The following TRHDE variants were observed in gnomAD, a reference collection of about 807,000 sequenced individuals.
TRHDE encodes thyrotropin releasing hormone degrading enzyme.
TRHDE carries 72 observed loss-of-function variants against 125.7 expected under a neutral mutation model. The ratio of observed to expected loss-of-function variants is 0.57; its 90% CI spans 0.47 to 0.70. The LOEUF (loss-of-function observed/expected upper bound fraction) is 0.70. Among genes scored for constraint, TRHDE ranks in the 30% least tolerant of loss-of-function variants. The pLI is 0.00. For synonymous variants in TRHDE, 509 were observed against 509.1 expected, an observed-to-expected ratio of 1.00 and a Z score of 0.00; for missense variants, 1,110 against 1,327.1, an observed-to-expected ratio of 0.84 and a Z score of 2.54.
At chr12:72,588,984 A>T (rs1041850842) in intron 12 of TRHDE, among the ~76,000 whole-genome samples, 1 of 152,190 alleles carries the variant, frequency 6.6e-6, no homozygotes, top group African/African-American at 2.4e-5. Context: ...ACTCACTATC[A>T]CAAGAACAAC....
At chr12:72,321,530 A>ATT (rs897184870) in intron 2 of TRHDE, among the ~76,000 whole-genome samples, 1 of 152,114 alleles carries the variant, frequency 6.6e-6, no homozygotes, top group African/African-American at 2.4e-5. Flanking sequence ...TTCACCTTGC[A>ATT]TTTGATGCTA....
At chr12:72,257,046 T>C (rs181269596) in intron 2 of TRHDE, 25 of 152,340 alleles carry the variant, frequency 1.6e-4, no homozygotes, top group Non-Finnish European at 3.2e-4. Context: ...CCACAAATAG[T>C]GTTGCCAAGT....
intron 15 of TRHDE, among the ~76,000 whole-genome samples, chr12:72,651,992 A>C (rs1874525990): frequency 6.6e-6 from 1 of 151,942 alleles, no homozygotes; most frequent in African/African-American, 2.4e-5. Flanking sequence ...TCTTTGTGTA[A>C]TAGCCATATT....
At chr12:72,589,804 C>T (rs1190292793) in intron 12 of TRHDE, among the ~76,000 whole-genome samples, 1 of 151,640 alleles carries the variant, frequency 6.6e-6, no homozygotes, top group East Asian at 1.9e-4. Flanking sequence ...TTTTGTGATT[C>T]TTTTAATTAG....
intron 18 of TRHDE, among the ~76,000 whole-genome samples, chr12:72,657,380 T>C (rs895270264): frequency 1.3e-5 from 2 of 152,136 alleles, no homozygotes; most frequent in African/African-American, 4.8e-5. Flanking sequence ...GGACAAAGGT[T>C]GGTGTTGAGA....
intron 3 of TRHDE, among the ~76,000 whole-genome samples, chr12:72,418,706 T>G (rs945604293): frequency 2.0e-4 from 30 of 152,154 alleles, no homozygotes; most frequent in Non-Finnish European, 1.9e-4. Flanking sequence ...ATTGTTTCAT[T>G]AATCCTCACA....
intron 3 of TRHDE, among the ~76,000 whole-genome samples, chr12:72,463,967 G>A (rs980621510): frequency 3.9e-5 from 6 of 152,156 alleles, no homozygotes; most frequent in African/African-American, 1.4e-4. Context: ...CCTGCATGAT[G>A]TTCTCAGGGC....
chr12:72,402,535 T>G (rs1873086469), intron 3 of TRHDE, among the ~76,000 whole-genome samples: 1 of 152,188 alleles, frequency 6.6e-6, no homozygotes, highest in African/African-American at 2.4e-5. Context: ...TGCCTGGGTC[T>G]GTCCCTTTGT....
intron 5 of TRHDE, among the ~76,000 whole-genome samples, chr12:72,490,618 CA>C (rs1198433527): frequency 6.6e-6 from 1 of 151,676 alleles, no homozygotes; most frequent in Non-Finnish European, 1.5e-5. Flanking sequence ...CACACACACA[CA>C]CACACACATT....
At chr12:72,355,397 G>A (rs1455228132) in intron 2 of TRHDE, among the ~76,000 whole-genome samples, 3 of 151,286 alleles carry the variant, frequency 2.0e-5, no homozygotes, top group Non-Finnish European at 4.4e-5. Context: ...GCAAATAAAG[G>A]TTTCAAGATG....
At chr12:72,635,404 C>T (rs1873694314) in intron 15 of TRHDE, among the ~76,000 whole-genome samples, 1 of 151,370 alleles carries the variant, frequency 6.6e-6, no homozygotes, top group Non-Finnish European at 1.5e-5. Context: ...GGATATTAGC[C>T]CTTTGTCAGA....
At chr12:72,570,547 C>G (rs2136021323) in intron 10 of TRHDE, among the ~76,000 whole-genome samples, 1 of 138,678 alleles carries the variant, frequency 7.2e-6, no homozygotes, top group African/African-American at 2.7e-5. Context: ...CGCTATGGCA[C>G]TCCAGCCTGA....
intron 2 of TRHDE, among the ~76,000 whole-genome samples, chr12:72,242,979 T>A (rs377318940): frequency 2.0e-5 from 3 of 152,156 alleles, no homozygotes; most frequent in East Asian, 3.8e-4. Flanking sequence ...CTCTGCAAAG[T>A]TTTATCACTA....
intron 4 of TRHDE, among the ~76,000 whole-genome samples, chr12:72,471,127 C>T (rs919812576): frequency 6.6e-6 from 1 of 152,072 alleles, no homozygotes. Flanking sequence ...ATCCACCCCC[C>T]TCGACCTCCC....
chr12:72,279,870 A>G (rs1283285027), intron 1 of TRHDE, among the ~76,000 whole-genome samples: 1 of 152,198 alleles, frequency 6.6e-6, no homozygotes, highest in African/African-American at 2.4e-5. Flanking sequence ...TGCAGGATGA[A>G]GTTTTGTTTT....
At chr12:72,177,411 T>A (rs1185390012) in intron 2 of TRHDE, among the ~76,000 whole-genome samples, 1 of 152,130 alleles carries the variant, frequency 6.6e-6, no homozygotes, top group Non-Finnish European at 1.5e-5. Flanking sequence ...TCAGTGGCAT[T>A]TATCTAGGAA....
At chr12:72,615,255 G>A (rs1439446856) in intron 12 of TRHDE, among the ~76,000 whole-genome samples, 1 of 152,038 alleles carries the variant, frequency 6.6e-6, no homozygotes, top group East Asian at 1.9e-4. Flanking sequence ...CATACAATAT[G>A]TTGTTCTTTA....
intron 5 of TRHDE, 98 bp downstream of exon 5, chr12:72,473,278 G>GATACATTTTC: frequency 1.2e-6 from 1 of 827,972 alleles, no homozygotes; most frequent in Non-Finnish European, 1.9e-6. Flanking sequence ...AATACCAACT[G>GATACATTTTC]ATGCATGAAA....
Position 72,176,573 on chromosome 12 carries a change from T to C in TRHDE, n.279+70821T>C, listed in dbSNP as rs533349468. On this transcript the variant is annotated intron_variant and non_coding_transcript_variant, in intron 2 of 4. Coordinates refer to the TRHDE transcript ENST00000548156. The stretch of plus-strand genomic sequence containing the variant: ...TGCTATCTCAGTTAGTTAAAACTAA[T>C]TGAGTGCATTAATGTAGTGGTATGA... Among the ~76,000 whole-genome samples the C allele has an allele frequency of 6.4e-4, 97 of 152,276 alleles. No homozygotes were observed. In the South Asian group the frequency reaches 0.018, roughly 28 times the overall value.
Sources: gnomAD v4.1 joint callset for allele counts (sites outside exome capture counted in the v4.1 genomes callset) on GRCh38, gnomAD v4.1.1 for gene constraint, MANE v1.5 for transcripts, NCBI Gene and HGNC (gene_info 2026-07-23, HGNC 2026-07-21) for gene names.